PTH2R: variants seen among roughly 807,000 people sequenced by gnomAD.
The protein encoded by PTH2R is parathyroid hormone 2 receptor.
Under a neutral mutation model 60.3 loss-of-function variants are expected in PTH2R, and 59 were observed. The ratio of observed to expected loss-of-function variants is 0.98; its 90% CI spans 0.79 to 1.22. The LOEUF is 1.22. Ranked by LOEUF, PTH2R falls within the 50% of genes most tolerant of loss-of-function variation. The probability of loss-of-function intolerance (pLI) is 0.00; values close to 1 mark genes in which losing one functional copy is unlikely to be tolerated. For missense variants in PTH2R, 749 were observed against 682.6 expected, an observed-to-expected ratio of 1.10 and a Z score of -1.08; for synonymous variants, 256 against 243.8, an observed-to-expected ratio of 1.05 and a Z score of -0.47.
rs1187027833 is a variant in PTH2R, at chr2:208,406,949, CA to C, written c.-94del. On this transcript the variant is annotated 5_prime_UTR_variant, in exon 1 of 13. Transcript: ENST00000272847. ...ACCCCAGCTGCGCGTCGTTACTGGC[CA>C]CAAGTTTGCTCTGGGCCAGCCAAGT... is the stretch of plus-strand genomic sequence containing the variant. The C allele has an allele frequency of 1.8e-6, 2 of 1,111,100 alleles. No homozygotes were observed. Among genetic ancestry groups the C allele is most frequent in the African/African-American group, 3.2e-5 (2 of 62,206 alleles). The allele number at this position is 1,111,100 out of a possible 1,614,324, so 68.8% of individuals were successfully genotyped here.
At chr2:208,492,043 A>G (rs1380929843) in intron 12 of PTH2R, among the ~76,000 whole-genome samples, 1 of 152,230 alleles carries the variant, frequency 6.6e-6, no homozygotes, top group Non-Finnish European at 1.5e-5. Flanking sequence ...TGACATCAGC[A>G]TACTGGATTT....
chr2:208,444,922 G>C, intron 7 of PTH2R, 35 bp downstream of exon 7: 5 of 1,581,164 alleles, frequency 3.2e-6, no homozygotes, highest in Non-Finnish European at 4.3e-6. Flanking sequence ...TTTCAAACTG[G>C]ATGATGCATT....
Position 208,491,061 on chromosome 2 carries a change from G to C in PTH2R, c.1257+381G>C, listed in dbSNP as rs183438874. The stretch of plus-strand genomic sequence containing the variant: ...TCATTCAAATATTTTGATGTTTTTT[G>C]AACTATAAGATGATGATGGGACAAT... On this transcript the variant is annotated intron_variant, in intron 12 of 12. Transcript: ENST00000272847. 8.5e-5 allele frequency among the ~76,000 whole-genome samples: 13 copies of C among 152,146 alleles called. No homozygotes were observed. The East Asian group carries it at 1.2e-3, about 14-fold the overall frequency.
At chr2:208,452,072 A>T (rs1702417333) in intron 8 of PTH2R, among the ~76,000 whole-genome samples, 1 of 152,196 alleles carries the variant, frequency 6.6e-6, no homozygotes, top group Non-Finnish European at 1.5e-5. Context: ...AGATGACATT[A>T]ATACATTATT....
At chr2:208,460,893 C>T (rs1702620423) in intron 9 of PTH2R, among the ~76,000 whole-genome samples, 1 of 152,102 alleles carries the variant, frequency 6.6e-6, no homozygotes, top group Non-Finnish European at 1.5e-5. Context: ...TTCCCAGTTT[C>T]ATATTCTTCT....
chr2:208,479,374 A>C (rs2105903845), intron 9 of PTH2R, among the ~76,000 whole-genome samples: 1 of 152,298 alleles, frequency 6.6e-6, no homozygotes, highest in Middle Eastern at 3.4e-3. Context: ...GACAAATGGC[A>C]ATCCAGCTGG....
chr2:208,448,419 G>C (rs1470966790), intron 7 of PTH2R, among the ~76,000 whole-genome samples: 1 of 151,766 alleles, frequency 6.6e-6, no homozygotes, highest in African/African-American at 2.4e-5. Flanking sequence ...GGGAGGCTGA[G>C]GTGGGCGGAT....
intron 1 of PTH2R, among the ~76,000 whole-genome samples, chr2:208,362,639 A>T (rs1700499113): frequency 1.3e-5 from 2 of 152,216 alleles, no homozygotes; most frequent in South Asian, 4.1e-4. Flanking sequence ...AACCATGGGT[A>T]TGCAAATACT....
chr2:208,489,186 T>C, intron 11 of PTH2R, 36 bp downstream of exon 11: 1 of 1,611,414 alleles, frequency 6.2e-7, no homozygotes, highest in South Asian at 1.1e-5. Context: ...ATTCTTGTAA[T>C]TTGCAGTTTT....
At chr2:208,480,979 A>G in intron 9 of PTH2R, 91 bp from the exon 10 acceptor site, 1 of 938,674 alleles carries the variant, frequency 1.1e-6, no homozygotes, top group Non-Finnish European at 1.6e-6. Context: ...AATTTTTCTT[A>G]TTTGAATGGA....
At chr2:208,442,574 G>T in intron 5 of PTH2R, 113 bp downstream of exon 5, 1 of 797,518 alleles carries the variant, frequency 1.3e-6, no homozygotes, top group South Asian at 1.6e-5. Flanking sequence ...GCAAGTTTTT[G>T]AATTCAGCCT....
chr2:208,389,227 TACACACACAC>T (rs71041306), intron 1 of PTH2R, among the ~76,000 whole-genome samples: 106 of 142,640 alleles, frequency 7.4e-4, no homozygotes, highest in African/African-American at 2.4e-3. Flanking sequence ...AGGAAATGCA[TACACACACAC>T]ACACACACAC....
intron 1 of PTH2R, among the ~76,000 whole-genome samples, chr2:208,381,677 T>G (rs893856053): frequency 2.0e-5 from 3 of 152,104 alleles, no homozygotes; most frequent in African/African-American, 7.3e-5. Context: ...CCTTTTATAG[T>G]AATTATTTGT....
chr2:208,380,742 G>C (rs1350512473), intron 1 of PTH2R, among the ~76,000 whole-genome samples: 1 of 152,092 alleles, frequency 6.6e-6, no homozygotes, highest in Non-Finnish European at 1.5e-5. Context: ...GTCTGTCCTT[G>C]AGCACTAGCT....
At chr2:208,479,053 T>C (rs769830829) in intron 9 of PTH2R, among the ~76,000 whole-genome samples, 5 of 152,222 alleles carry the variant, frequency 3.3e-5, no homozygotes, top group African/African-American at 7.2e-5. Context: ...TGTGTGTATA[T>C]ATGTCATGTG....
chr2:208,493,452 C>T lies in PTH2R; in HGVS notation c.1446C>T (p.Ala482=), dbSNP rs1280438256. The T allele has an allele frequency of 1.2e-6, 2 of 1,610,436 alleles. No homozygotes were observed. The highest frequency in any genetic ancestry group is 2.2e-5 in the East Asian group (1 of 44,832). Residue 482 remains alanine (A), a synonymous_variant, in exon 13 of 13, where the codon GCC becomes GCT. Coordinates refer to ENST00000272847, the MANE Select transcript of PTH2R (RefSeq NM_005048.4). ...VLISGKAAKI[A]SRQPDSHITL... is the part of the protein sequence containing the mutation. ...TCTCTGGCAAAGCTGCCAAGATCGC[C>T]AGCAGACAGCCTGACAGCCACATCA...
At chr2:208,404,203 T>G (rs1701358249), upstream of PTH2R, among the ~76,000 whole-genome samples, 1 of 152,172 alleles carries the variant, frequency 6.6e-6, no homozygotes, top group Non-Finnish European at 1.5e-5. Flanking sequence ...AAAGTTCTCA[T>G]CTAATTATTT....
intron 5 of PTH2R, among the ~76,000 whole-genome samples, 170 bp downstream of exon 5, chr2:208,442,631 G>A (rs1453076887): frequency 6.6e-6 from 1 of 152,086 alleles, no homozygotes; most frequent in African/African-American, 2.4e-5. Context: ...ACAAATTCAG[G>A]GTTCTTTGTT....
intron 1 of PTH2R, among the ~76,000 whole-genome samples, chr2:208,422,011 A>T (rs1197226461): frequency 7.9e-5 from 12 of 152,234 alleles, no homozygotes; most frequent in African/African-American, 2.7e-4. Context: ...GCTGAGAAGT[A>T]CTAGGATTTG....
Sources: gnomAD v4.1 joint callset for allele counts (sites outside exome capture counted in the v4.1 genomes callset) on GRCh38, gnomAD v4.1.1 for gene constraint, MANE v1.5 for transcripts, NCBI Gene and HGNC (gene_info 2026-07-23, HGNC 2026-07-21) for gene names.